The following PKP4 variants were observed in gnomAD, a reference collection of about 807,000 sequenced individuals.
The protein encoded by PKP4 is plakophilin-4.
Under a neutral mutation model 145.1 loss-of-function variants are expected in PKP4, and 90 were observed. That is an observed-to-expected ratio of 0.62 (90% CI 0.52 to 0.74). The LOEUF (loss-of-function observed/expected upper bound fraction) is 0.74, where lower values mean the gene tolerates loss of function less well. Among genes scored for constraint, PKP4 ranks in the 30% least tolerant of loss-of-function variants. The pLI, the probability that PKP4 is intolerant of heterozygous loss-of-function variation, is 0.00. For missense variants in PKP4, 1,340 were observed against 1,482.7 expected, an observed-to-expected ratio of 0.90 and a Z score of 1.58; for synonymous variants, 563 against 577.2, an observed-to-expected ratio of 0.98 and a Z score of 0.35.
At chr2:158,608,391 T>C (rs1254601624) in intron 4 of PKP4, among the ~76,000 whole-genome samples, 1 of 152,174 alleles carries the variant, frequency 6.6e-6, no homozygotes, top group African/African-American at 2.4e-5. Flanking sequence ...TTAAATGTTG[T>C]CCAAATAGCT....
intron 4 of PKP4, among the ~76,000 whole-genome samples, chr2:158,612,926 G>A (rs1007820560): frequency 2.6e-5 from 4 of 152,048 alleles, no homozygotes; most frequent in African/African-American, 7.3e-5. Context: ...GCTTTCTTCT[G>A]TCTTCATAGC....
chr2:158,533,143 A>G (rs1175489615), intron 1 of PKP4, 37 bp from the exon 2 acceptor site: 1 of 1,564,746 alleles, frequency 6.4e-7, no homozygotes, highest in African/African-American at 1.4e-5. Context: ...AAGGGAGCCC[A>G]GAAGAAAGTG....
intron 9 of PKP4, among the ~76,000 whole-genome samples, chr2:158,634,596 A>G (rs1004537409): frequency 2.0e-5 from 3 of 152,200 alleles, no homozygotes; most frequent in Non-Finnish European, 1.5e-5. Context: ...AGCCTCTTGG[A>G]ATTAAACAAG....
rs188225831 is a variant in PKP4 at position 158,474,380 on chromosome 2, G to T, written c.-6+17162G>T. Among the ~76,000 whole-genome samples, 4 of 152,236 alleles carry T rather than the reference G, an allele frequency of 2.6e-5. No individual in the cohort carries two copies. In the East Asian group the frequency reaches 7.7e-4, roughly 29 times the overall value. ...AATACCAAAGCTATTAGAACCAAAA[G>T]ATCTAGGCTGTGTTGATTACTGAAC... On this transcript the variant is annotated intron_variant, in intron 1 of 21. Transcript: ENST00000389759.
chr2:158,607,599 A>G (rs1312280856), intron 4 of PKP4, among the ~76,000 whole-genome samples: 1 of 152,144 alleles, frequency 6.6e-6, no homozygotes, highest in African/African-American at 2.4e-5. Flanking sequence ...GATTTCCAGC[A>G]TTAGGTGAAA....
In PKP4 at chr2:158,663,076, G is replaced by T. The variant is rs150480813; in HGVS notation, c.2391G>T (p.Pro797=). The T allele has an allele frequency of 9.3e-4, 1,497 of 1,604,940 alleles. 3 individuals are homozygous for T. Among genetic ancestry groups the T allele is most frequent in the South Asian group, 1.7e-3 (155 of 89,956 alleles). The change falls in exon 14 of 22, where the codon CCG becomes CCT. Residue 797 remains proline, a synonymous_variant. Transcript: ENST00000389759. ...AGAAGAAAAAGAAAAAGAGGACTCC[G>T]CAAGAAGATCAAGTTAGCATTTTAT... ...GKKKKKKKRT[P]QEDQWDGVGP... is the part of the protein sequence containing the mutation.
chr2:158,619,387 T>G (rs2051974109), intron 4 of PKP4, among the ~76,000 whole-genome samples: 1 of 152,200 alleles, frequency 6.6e-6, no homozygotes, highest in Non-Finnish European at 1.5e-5. Context: ...ACAGAAGCAT[T>G]CTGTCAAATA....
intron 1 of PKP4, among the ~76,000 whole-genome samples, chr2:158,530,504 C>CTTTTTTT (rs869120223): frequency 2.3e-3 from 208 of 92,132 alleles, no homozygotes; most frequent in African/African-American, 3.2e-3. Context: ...CTCTTTCTTT[C>CTTTTTTT]TTTTTTTTTT....
At chr2:158,580,266 A>T (rs1476901568) in intron 3 of PKP4, among the ~76,000 whole-genome samples, 1 of 152,158 alleles carries the variant, frequency 6.6e-6, no homozygotes, top group Non-Finnish European at 1.5e-5. Flanking sequence ...AGTTTCTGTC[A>T]GTGACTTTTT....
At chr2:158,586,168 A>T (rs570462115) in intron 3 of PKP4, among the ~76,000 whole-genome samples, 1 of 152,272 alleles carries the variant, frequency 6.6e-6, no homozygotes, top group Non-Finnish European at 1.5e-5. Flanking sequence ...TTTATTAGGC[A>T]TCAGTTGTAC....
intron 17 of PKP4, 27 bp downstream of exon 17, chr2:158,669,942 C>A (rs1218653360): frequency 3.2e-6 from 5 of 1,568,154 alleles, no homozygotes; most frequent in Non-Finnish European, 4.4e-6. Flanking sequence ...GAGGTGCAAG[C>A]AGTGCTCTTA....
At chr2:158,494,877 A>G (rs567618628) in intron 1 of PKP4, among the ~76,000 whole-genome samples, 1 of 148,440 alleles carries the variant, frequency 6.7e-6, no homozygotes, top group Non-Finnish European at 1.5e-5. Context: ...TCATTGCTCT[A>G]TTTTTTTTTT....
At position 158,673,772 on chromosome 2, in the gene PKP4, A is replaced by G; in HGVS notation, c.3009+11A>G. The G allele has an allele frequency of 6.4e-7, 1 of 1,572,454 alleles. No individual in the cohort carries two copies. The highest frequency in any genetic ancestry group is 8.8e-7 in the Non-Finnish European group (1 of 1,141,852). Reference sequence around the variant, plus strand: ...AGCATTTATAAAAAGGTAACCTACAAGAATAGCTCTGGCATAATTAGCATT... The same window carrying G: ...AGCATTTATAAAAAGGTAACCTACAGGAATAGCTCTGGCATAATTAGCATT... On this transcript the variant is annotated intron_variant, in intron 18 of 21. Transcript: ENST00000389759.
chr2:158,671,172 AT>A (rs1390446350), intron 17 of PKP4, among the ~76,000 whole-genome samples: 1 of 152,096 alleles, frequency 6.6e-6, no homozygotes, highest in African/African-American at 2.4e-5. Context: ...TTTGGTGAAT[AT>A]TTATTAATTG....
chr2:158,634,938 G>T (rs1489747446), intron 9 of PKP4, among the ~76,000 whole-genome samples: 1 of 152,054 alleles, frequency 6.6e-6, no homozygotes, highest in Non-Finnish European at 1.5e-5. Flanking sequence ...GATTGATTTT[G>T]AAAAACTGAC....
rs1182116719 is a variant in PKP4 at position 158,528,234 on chromosome 2, A to G, written c.-5-4946A>G. Among the ~76,000 whole-genome samples, 503 of 150,736 alleles carry G rather than the reference A, an allele frequency of 3.3e-3. 7 individuals are homozygous for G. The highest frequency in any genetic ancestry group is 0.014 in the Admixed American group (206 of 14,976). ...TCACAATAGCAAAGACTTGGAACCAATCCAAATGTCCAACAATGATAGACT... is the reference window on the plus strand; with the variant it reads ...TCACAATAGCAAAGACTTGGAACCAGTCCAAATGTCCAACAATGATAGACT... On this transcript the variant is annotated intron_variant, in intron 1 of 21. Transcript: ENST00000389759.
At chr2:158,594,372 T>A (rs2049537160) in intron 3 of PKP4, among the ~76,000 whole-genome samples, 1 of 152,216 alleles carries the variant, frequency 6.6e-6, no homozygotes, top group Admixed American at 6.5e-5. Context: ...TTGTTATGCC[T>A]TGCTTAGTTC....
intron 11 of PKP4, among the ~76,000 whole-genome samples, chr2:158,646,752 A>C (rs1470670661): frequency 6.6e-6 from 1 of 152,120 alleles, no homozygotes; most frequent in Non-Finnish European, 1.5e-5. Flanking sequence ...CTCAGAACTC[A>C]TTTTGTTCAG....
intron 3 of PKP4, among the ~76,000 whole-genome samples, chr2:158,595,617 T>C (rs2049659268): frequency 6.6e-6 from 1 of 152,152 alleles, no homozygotes; most frequent in Non-Finnish European, 1.5e-5. Flanking sequence ...CAAAGCAATG[T>C]TAGATAGAAA....
Sources: allele counts gnomAD v4.1 joint callset (sites outside exome capture counted in the v4.1 genomes callset), GRCh38; gene constraint gnomAD v4.1.1; transcripts MANE v1.5; gene names NCBI Gene and HGNC (gene_info 2026-07-23, HGNC 2026-07-21).